Variants in IQCM observed in about 807,000 individuals in gnomAD.
IQCM encodes the protein IQ motif containing M, also known as IQ domain-containing protein M.
IQCM carries 45 observed loss-of-function variants against 57.6 expected under a neutral mutation model. The observed-to-expected ratio is 0.78, with a 90% CI of 0.62 to 1.00. The LOEUF (loss-of-function observed/expected upper bound fraction) is 1.00. Ranked by LOEUF, IQCM falls within the 50% of genes least tolerant of loss-of-function variation. The pLI is 0.00. For missense variants in IQCM, 468 were observed against 511.6 expected, an observed-to-expected ratio of 0.91 and a Z score of 0.82; for synonymous variants, 148 against 158.9, an observed-to-expected ratio of 0.93 and a Z score of 0.51.
intron 12 of IQCM, among the ~76,000 whole-genome samples, chr4:149,450,272 G>T (rs1315759750): frequency 6.6e-6 from 1 of 151,690 alleles, no homozygotes; most frequent in Non-Finnish European, 1.5e-5. Context: ...GAAAACATTG[G>T]GAGGAATCTC....
intron 13 of IQCM, among the ~76,000 whole-genome samples, chr4:149,367,622 C>G (rs1729934412): frequency 6.6e-6 from 1 of 151,966 alleles, no homozygotes; most frequent in South Asian, 2.1e-4. Context: ...CTACAATAAG[C>G]ATGCTTATTT....
chr4:149,358,810 C>A (rs991600043), intron 13 of IQCM, among the ~76,000 whole-genome samples: 1 of 81,080 alleles, frequency 1.2e-5, no homozygotes, highest in Admixed American at 1.1e-4. Context: ...AGGATCCACC[C>A]AAAAGAGGGA....
intron 12 of IQCM, among the ~76,000 whole-genome samples, chr4:149,529,792 C>G (rs1215582169): frequency 1.3e-5 from 2 of 152,142 alleles, no homozygotes; most frequent in Admixed American, 1.3e-4. Flanking sequence ...TTCATGCTTC[C>G]TCTTTTGGGC....
chr4:149,687,497 T>C (rs1762630784), intron 5 of IQCM, among the ~76,000 whole-genome samples: 1 of 151,598 alleles, frequency 6.6e-6, no homozygotes, highest in South Asian at 2.1e-4. Flanking sequence ...TTTTGTATTA[T>C]AAGTAATCTA....
chr4:149,706,620 A>T (rs1381062450), intron 5 of IQCM, among the ~76,000 whole-genome samples: 1 of 152,010 alleles, frequency 6.6e-6, no homozygotes, highest in Non-Finnish European at 1.5e-5. Context: ...CAGAAGTCCT[A>T]TTGTTACTAA....
At chr4:149,749,408 T>C (rs1285243140) in intron 2 of IQCM, among the ~76,000 whole-genome samples, 2 of 152,218 alleles carry the variant, frequency 1.3e-5, no homozygotes, top group African/African-American at 2.4e-5. Context: ...TTCTCACATA[T>C]ATTATTTTGA....
intron 7 of IQCM, among the ~76,000 whole-genome samples, chr4:149,681,292 C>T (rs1762157704): frequency 6.6e-6 from 1 of 151,224 alleles, no homozygotes; most frequent in Non-Finnish European, 1.5e-5. Context: ...CTCAAATTAT[C>T]TAATAAAGCC....
rs566581664 is a variant in IQCM at position 149,598,738 on chromosome 4, G to A, written c.682-10741C>T. Among the ~76,000 whole-genome samples the A allele has an allele frequency of 4.9e-4, 74 of 152,296 alleles. 1 individual carries two copies. In the South Asian group the frequency reaches 0.015, roughly 32 times the overall value. On this transcript the variant is annotated intron_variant, in intron 8 of 13. Transcript: ENST00000636793. ...ATTGGCAAAGGTTAAAACTTTGACA[G>A]TATTAATTGTTTCCAAGTATATGAA...
chr4:149,495,512 G>A (rs1742563027), intron 12 of IQCM, among the ~76,000 whole-genome samples: 1 of 152,098 alleles, frequency 6.6e-6, no homozygotes, highest in African/African-American at 2.4e-5. Flanking sequence ...GATACCACAG[G>A]ACTTTCAAAA....
At chr4:149,476,119 G>T (rs1740160586) in intron 12 of IQCM, among the ~76,000 whole-genome samples, 1 of 152,120 alleles carries the variant, frequency 6.6e-6, no homozygotes, top group African/African-American at 2.4e-5. Context: ...TGTAGTAATG[G>T]CCTTAAGAAG....
At chr4:149,377,035 C>T (rs1730744945) in intron 13 of IQCM, among the ~76,000 whole-genome samples, 1 of 151,970 alleles carries the variant, frequency 6.6e-6, no homozygotes, top group Non-Finnish European at 1.5e-5. Flanking sequence ...GCTACTGGGT[C>T]AAATTAAAGT....
intron 2 of IQCM, among the ~76,000 whole-genome samples, chr4:149,801,124 G>A (rs1773565519): frequency 1.3e-5 from 2 of 151,712 alleles, no homozygotes; most frequent in African/African-American, 4.8e-5. Context: ...TGACAAACAG[G>A]CATATGAAAG....
In IQCM at chr4:149,715,020, G is replaced by A. The variant is rs575771386; in HGVS notation, c.385+18224C>T. ...ACTTTCAGACCACAGTTAACTTCAC[G>A]TAACTAAAAGTTCAGAAAGTGAAAC... On this transcript the variant is annotated intron_variant, in intron 5 of 13. Coordinates refer to ENST00000636793, the MANE Select transcript of IQCM (RefSeq NM_001363507.2). Among the ~76,000 whole-genome samples, 20 of 152,280 alleles carry A rather than the reference G, an allele frequency of 1.3e-4. 1 individual carries two copies. In the South Asian group the frequency reaches 2.7e-3, roughly 21 times the overall value.
intron 12 of IQCM, among the ~76,000 whole-genome samples, chr4:149,516,211 G>C (rs538866067): frequency 7.2e-5 from 11 of 152,202 alleles, no homozygotes; most frequent in African/African-American, 9.6e-5. Flanking sequence ...GTGGTAGGTT[G>C]ATTATATTGG....
At chr4:149,425,352 G>C (rs1369494401) in intron 13 of IQCM, among the ~76,000 whole-genome samples, 5 of 151,976 alleles carry the variant, frequency 3.3e-5, no homozygotes, top group Admixed American at 2.6e-4. Flanking sequence ...ACAGTCTGCT[G>C]TCTGTAACCT....
At chr4:149,505,994 G>T (rs1743774957) in intron 12 of IQCM, among the ~76,000 whole-genome samples, 1 of 152,160 alleles carries the variant, frequency 6.6e-6, no homozygotes, top group Non-Finnish European at 1.5e-5. Flanking sequence ...TCTAAAAGGG[G>T]AATACAACTG....
intron 13 of IQCM, among the ~76,000 whole-genome samples, chr4:149,354,907 A>G (rs1728851023): frequency 6.6e-6 from 1 of 152,192 alleles, no homozygotes; most frequent in African/African-American, 2.4e-5. Flanking sequence ...ATCTATTAAT[A>G]GGGCTGGGGT....
At chr4:149,493,376 T>A (rs1742301524) in intron 12 of IQCM, among the ~76,000 whole-genome samples, 1 of 152,144 alleles carries the variant, frequency 6.6e-6, no homozygotes, top group African/African-American at 2.4e-5. Context: ...TTAGGATTTT[T>A]AAAATAATAT....
Position 149,466,121 on chromosome 4 carries a change from G to A in IQCM, c.1229-32564C>T, listed in dbSNP as rs147867707. Among the ~76,000 whole-genome samples, 14 of 152,228 alleles carry A rather than the reference G, an allele frequency of 9.2e-5. No individual in the cohort carries two copies. In the East Asian group the frequency reaches 1.5e-3, roughly 17 times the overall value. On this transcript the variant is annotated intron_variant, in intron 12 of 13. Coordinates refer to ENST00000636793, the MANE Select transcript of IQCM (RefSeq NM_001363507.2). ...TAATTCTGCTGTTCATCAACATTGC[G>A]ACATAGCTGTGAACAATGCTGATAA...
Sources: gnomAD v4.1 joint callset for allele counts (sites outside exome capture counted in the v4.1 genomes callset) on GRCh38, gnomAD v4.1.1 for gene constraint, MANE v1.5 for transcripts, NCBI Gene and HGNC (gene_info 2026-07-23, HGNC 2026-07-21) for gene names.